The following CPNE5 variants were observed in gnomAD, a reference collection of about 807,000 sequenced individuals.
CPNE5 encodes the protein copine-5.
In CPNE5, 42 loss-of-function variants were observed where a neutral mutation model predicts 81.1. The observed-to-expected ratio is 0.52, with a 90% CI of 0.40 to 0.67. The LOEUF is 0.67. Ranked by LOEUF, CPNE5 falls within the 30% of genes least tolerant of loss-of-function variation. The probability of loss-of-function intolerance (pLI) is 0.00; values close to 1 mark genes in which losing one functional copy is unlikely to be tolerated. For synonymous variants in CPNE5, 313 were observed against 321.5 expected, an observed-to-expected ratio of 0.97 and a Z score of 0.28; for missense variants, 612 against 815.5, an observed-to-expected ratio of 0.75 and a Z score of 3.04.
chr6:36,795,575 A>C (rs1769491677), intron 6 of CPNE5, among the ~76,000 whole-genome samples: 1 of 152,240 alleles, frequency 6.6e-6, no homozygotes, highest in African/African-American at 2.4e-5. Flanking sequence ...AGAGGTGACT[A>C]GGACACAGAG....
rs1289323224 is a variant in CPNE5 at position 36,746,437 on chromosome 6, T to G, written c.1159A>C (p.Lys387Gln). Residue 387 changes from lysine (K) to glutamine (Q), a missense_variant, in exon 16 of 21, where the codon AAG becomes CAG. Transcript: ENST00000244751. This position sits in a 1 kb window ranked among gnomAD's most constrained non-coding sequence, Gnocchi z 4.5. Reference protein sequence around the residue: ...KMFPALGFGAKLPPDGRVSHE... With the variant: ...KMFPALGFGAQLPPDGRVSHE... ...GACACTCTGCCATCCGGGGGCAGCT[T>G]GGCCCCGAAGCCCAGGGCAGGGAAC... 1.2e-6 allele frequency: 2 copies of G among 1,613,126 alleles called. No individual in the cohort carries two copies. Among genetic ancestry groups the G allele is most frequent in the Admixed American group, 1.7e-5 (1 of 59,904 alleles).
At chr6:36,797,514 C>T (rs978201769) in intron 6 of CPNE5, among the ~76,000 whole-genome samples, 3 of 152,214 alleles carry the variant, frequency 2.0e-5, no homozygotes, top group Non-Finnish European at 4.4e-5. Flanking sequence ...AGGCAAGGGC[C>T]CTGCCCCTGG....
intron 1 of CPNE5, among the ~76,000 whole-genome samples, chr6:36,823,697 A>C (rs1230211631): frequency 6.6e-6 from 1 of 152,214 alleles, no homozygotes; most frequent in East Asian, 1.9e-4. Flanking sequence ...GATGGACACA[A>C]CATTTGGGGA....
chr6:36,774,659 C>T (rs1767338290), intron 10 of CPNE5, among the ~76,000 whole-genome samples: 1 of 152,264 alleles, frequency 6.6e-6, no homozygotes, highest in African/African-American at 2.4e-5. Flanking sequence ...CTTCCCATCC[C>T]CCTAACCTTG....
Position 36,745,163 on chromosome 6 carries a change from G to T in CPNE5, c.1329-13C>A. On this transcript the variant is annotated splice_polypyrimidine_tract_variant and intron_variant, in intron 17 of 20. Coordinates refer to ENST00000244751, the MANE Select transcript of CPNE5 (RefSeq NM_020939.2). ...GGCCGCTGCATTCCTGGGTGGGGCAGGTGTGGGCTCAGGTCTGTCTGCGGG... is the reference window on the plus strand; with the variant it reads ...GGCCGCTGCATTCCTGGGTGGGGCATGTGTGGGCTCAGGTCTGTCTGCGGG... 1 of 1,606,234 alleles carries T rather than the reference G, an allele frequency of 6.2e-7. No homozygotes were observed. Among genetic ancestry groups the T allele is most frequent in the Non-Finnish European group, 8.5e-7 (1 of 1,173,452 alleles).
At position 36,767,171 on chromosome 6, in the gene CPNE5, T is replaced by C. The variant is rs1450783231; in HGVS notation, c.738-1795A>G. 2.0e-5 allele frequency among the ~76,000 whole-genome samples: 3 copies of C among 152,194 alleles called. No homozygotes were observed. In the East Asian group the frequency reaches 5.8e-4, roughly 29 times the overall value. Reference sequence around the variant, plus strand: ...GCGCCCGGCCTCTGATAGTTTTTCGTATGAAATTTACTTCAATCAGGGACA... The same window carrying C: ...GCGCCCGGCCTCTGATAGTTTTTCGCATGAAATTTACTTCAATCAGGGACA... On this transcript the variant is annotated intron_variant, in intron 10 of 20. Coordinates refer to ENST00000244751, the MANE Select transcript of CPNE5 (RefSeq NM_020939.2).
At chr6:36,792,922 G>A (rs562939568) in intron 7 of CPNE5, among the ~76,000 whole-genome samples, 79 of 152,186 alleles carry the variant, frequency 5.2e-4, no homozygotes, top group Non-Finnish European at 9.4e-4. Flanking sequence ...GGAAAATGTC[G>A]GCTTGTCCAG....
At chr6:36,773,018 G>C (rs1036438348) in intron 10 of CPNE5, among the ~76,000 whole-genome samples, 7 of 151,864 alleles carry the variant, frequency 4.6e-5, no homozygotes, top group African/African-American at 1.5e-4. Flanking sequence ...TTTTTTTAAT[G>C]TTTTAATTTT....
At chr6:36,787,822 G>C (rs1031801053) in intron 8 of CPNE5, among the ~76,000 whole-genome samples, 1 of 152,122 alleles carries the variant, frequency 6.6e-6, no homozygotes, top group African/African-American at 2.4e-5. Flanking sequence ...CCTCCTCCAT[G>C]ACCACCGCCA....
At chr6:36,798,832 T>C (rs1013017065) in intron 4 of CPNE5, among the ~76,000 whole-genome samples, 40 of 152,314 alleles carry the variant, frequency 2.6e-4, no homozygotes, top group African/African-American at 9.4e-4. Context: ...GGCTAAGCCA[T>C]CTTACCTTTC....
At chr6:36,750,836 G>A (rs1764733943) in intron 14 of CPNE5, among the ~76,000 whole-genome samples, 1 of 152,212 alleles carries the variant, frequency 6.6e-6, no homozygotes, top group African/African-American at 2.4e-5. Context: ...TGAGGGGAAA[G>A]GCAGGCCTTG....
chr6:36,779,982 T>G (rs1487322874), intron 8 of CPNE5, among the ~76,000 whole-genome samples: 1 of 142,700 alleles, frequency 7.0e-6, no homozygotes, highest in African/African-American at 2.6e-5. Context: ...TTTTTTTTTT[T>G]TGAGACGGTG....
At chr6:36,763,085 A>G in intron 11 of CPNE5, 93 bp from the exon 12 acceptor site, 1 of 1,138,328 alleles carries the variant, frequency 8.8e-7, no homozygotes, top group Non-Finnish European at 1.3e-6. Context: ...TTTGGCTCCC[A>G]ATTCTACCTG....
intron 3 of CPNE5, among the ~76,000 whole-genome samples, chr6:36,810,123 C>T (rs1046275314): frequency 6.6e-6 from 1 of 151,984 alleles, no homozygotes; most frequent in African/African-American, 2.4e-5. Flanking sequence ...CACCACAGCC[C>T]CTACCTCAGG....
intron 6 of CPNE5, among the ~76,000 whole-genome samples, chr6:36,796,005 G>A (rs1737110257): frequency 1.3e-5 from 2 of 152,182 alleles, no homozygotes; most frequent in African/African-American, 4.8e-5. Flanking sequence ...CTAGAGTGCA[G>A]TGGTGTAATC....
At chr6:36,777,462 G>C (rs1032555993) in intron 9 of CPNE5, among the ~76,000 whole-genome samples, 2 of 151,962 alleles carry the variant, frequency 1.3e-5, no homozygotes, top group Non-Finnish European at 2.9e-5. Context: ...CCTCCCAGCC[G>C]GCCCCAGCCA....
At chr6:36,757,350 G>T (rs1276353899) in intron 12 of CPNE5, 3 of 985,226 alleles carry the variant, frequency 3.0e-6, no homozygotes, top group Non-Finnish European at 3.6e-6. Context: ...TTCCCACAGA[G>T]GCCGTCAGCT....
chr6:36,795,917 TC>T (rs1769526099), intron 6 of CPNE5, among the ~76,000 whole-genome samples: 1 of 152,080 alleles, frequency 6.6e-6, no homozygotes. Flanking sequence ...CACCTCCTCC[TC>T]CAACATTGCC....
intron 1 of CPNE5, among the ~76,000 whole-genome samples, chr6:36,824,503 C>T (rs539981922): frequency 2.4e-4 from 37 of 152,314 alleles, no homozygotes; most frequent in African/African-American, 8.7e-4. Context: ...AGCCTTGTCC[C>T]GCCTCCCTTC....
Sources: allele counts gnomAD v4.1 joint callset (sites outside exome capture counted in the v4.1 genomes callset), GRCh38; gene constraint gnomAD v4.1.1; non-coding constraint Gnocchi (gnomAD v3.1); transcripts MANE v1.5; gene names NCBI Gene and HGNC (gene_info 2026-07-23, HGNC 2026-07-21).